DYNC2I1: variants seen among roughly 807,000 people sequenced by gnomAD.
The protein encoded by DYNC2I1 is dynein 2 intermediate chain 1.
Under a neutral mutation model 133.4 loss-of-function variants are expected in DYNC2I1, and 89 were observed. The ratio of observed to expected loss-of-function variants is 0.67; its 90% CI spans 0.56 to 0.80. DYNC2I1 has a LOEUF of 0.80. Ranked by LOEUF, DYNC2I1 falls within the 30% of genes least tolerant of loss-of-function variation. The pLI is 0.00. For missense variants in DYNC2I1, 1,291 were observed against 1,314.5 expected (o/e 0.98, Z 0.28); for synonymous variants, 504 against 484.3 (o/e 1.04, Z -0.54).
intron 3 of DYNC2I1, among the ~76,000 whole-genome samples, chr7:158,874,791 T>A (rs912584500): frequency 1.3e-5 from 2 of 152,180 alleles, no homozygotes; most frequent in Admixed American, 1.3e-4. Context: ...ATCCCTGAAT[T>A]CCAGGCTTGT....
At chr7:158,914,182 T>TG (rs1413509542) in intron 13 of DYNC2I1, 51 bp from the exon 14 acceptor site, 4 of 1,474,454 alleles carry the variant, frequency 2.7e-6, no homozygotes, top group Non-Finnish European at 3.7e-6. Context: ...GTGTAATGCA[T>TG]GATTATTTTA....
intron 1 of DYNC2I1, among the ~76,000 whole-genome samples, chr7:158,861,295 A>G (rs1280607259): frequency 6.6e-6 from 1 of 152,148 alleles, no homozygotes; most frequent in Admixed American, 6.5e-5. Flanking sequence ...GGAAGGTAGA[A>G]TCCTAACTAC....
chr7:158,945,488 C>A lies in DYNC2I1; in HGVS notation c.3003-93C>A. On this transcript the variant is annotated intron_variant, in intron 24 of 24. Transcript: ENST00000407559. The surrounding 1 kb of genome is among the most constrained non-coding windows in gnomAD (Gnocchi z 4.1). ...TTTAGAATTTCTCATCCGTTTCACT[C>A]TTCCCATGGAAGGTAGACATTTTGA... The A allele has an allele frequency of 1.5e-6, 2 of 1,332,620 alleles. No homozygotes were observed. Among genetic ancestry groups the A allele is most frequent in the Non-Finnish European group, 2.0e-6 (2 of 984,852 alleles). The allele number at this position is 1,332,620 out of a possible 1,614,324, so 82.5% of individuals were successfully genotyped here. A position where few individuals can be genotyped will look rare whatever the true frequency, so the allele number is the denominator to read the frequency against.
intron 14 of DYNC2I1, among the ~76,000 whole-genome samples, chr7:158,915,543 G>A (rs112630969): frequency 3.0e-5 from 4 of 134,572 alleles, no homozygotes; most frequent in African/African-American, 8.8e-5. Flanking sequence ...ACCTCGACAC[G>A]GTGGTTGAGA....
chr7:158,840,094 T>A, the DYNC2I1 span, among the ~76,000 whole-genome samples: 3 of 151,860 alleles, frequency 2.0e-5, no homozygotes, highest in Non-Finnish European at 4.4e-5. Context: ...GGGTTACAGG[T>A]GTGAGCCACT....
downstream of DYNC2I1, among the ~76,000 whole-genome samples, chr7:158,958,378 C>T (rs1318632005): frequency 6.6e-6 from 1 of 152,266 alleles, no homozygotes; most frequent in South Asian, 2.1e-4. Flanking sequence ...CGCGTTCTCT[C>T]TTCCTCACCG....
chr7:158,909,055 G>C (rs187111600), intron 11 of DYNC2I1, among the ~76,000 whole-genome samples: 52 of 152,192 alleles, frequency 3.4e-4, no homozygotes, highest in Non-Finnish European at 4.4e-5. Context: ...CTTAGGCCAG[G>C]CATAGTGGCT....
intron 1 of DYNC2I1, among the ~76,000 whole-genome samples, chr7:158,859,158 G>A (rs1282375523): frequency 6.7e-6 from 1 of 150,192 alleles, no homozygotes; most frequent in African/African-American, 2.5e-5. Flanking sequence ...ACCATGCCTG[G>A]CCTGTCGCAT....
chr7:158,871,583 C>G, intron 3 of DYNC2I1, 21 bp downstream of exon 3: 1 of 1,510,010 alleles, frequency 6.6e-7, no homozygotes, highest in Non-Finnish European at 8.8e-7. Flanking sequence ...GCTTGCCTTC[C>G]TGTGGTTCCA....
At chr7:158,856,476 G>A (rs1841233816), upstream of DYNC2I1, 1 of 382,922 alleles carries the variant, frequency 2.6e-6, no homozygotes, top group Non-Finnish European at 4.6e-6. Flanking sequence ...AGGGGCCGCG[G>A]GCACGCCGAG....
intron 11 of DYNC2I1, among the ~76,000 whole-genome samples, chr7:158,908,706 T>C (rs1024173527): frequency 7.2e-5 from 11 of 152,130 alleles, no homozygotes; most frequent in African/African-American, 2.7e-4. Flanking sequence ...AGCTCAGAGA[T>C]TTGCCGCAGC....
At chr7:158,879,401 A>G (rs1843763932) in intron 4 of DYNC2I1, among the ~76,000 whole-genome samples, 1 of 152,150 alleles carries the variant, frequency 6.6e-6, no homozygotes, top group South Asian at 2.1e-4. Flanking sequence ...AAAATGGTGT[A>G]GTGTCTGCAT....
chr7:158,856,574 C>T lies in DYNC2I1; in HGVS notation c.-162C>T, dbSNP rs866258448. ...AGGCGCACTGGGAGAGGCCGCAGGG[C>T]ACGCTGGGCAGTGCTTCTGGGCCCT... On this transcript the variant is annotated 5_prime_UTR_variant, in exon 1 of 25. Transcript: ENST00000407559. 2.2e-5 allele frequency: 15 copies of T among 685,464 alleles called. 1 individual carries two copies. The African/African-American group carries it at 2.2e-4, about 10-fold the overall frequency. The allele number at this position is 685,464 out of a possible 1,614,324, so 42.5% of individuals were successfully genotyped here. A position where few individuals can be genotyped will look rare whatever the true frequency, so the allele number is the denominator to read the frequency against.
chr7:158,902,653 C>A, intron 10 of DYNC2I1, 58 bp downstream of exon 10: 1 of 1,488,610 alleles, frequency 6.7e-7, no homozygotes, highest in South Asian at 1.2e-5. Flanking sequence ...TGTACTGAGC[C>A]CTCACAGATG....
At chr7:158,902,715 C>T (rs1394344676) in intron 10 of DYNC2I1, 120 bp downstream of exon 10, 2 of 889,630 alleles carry the variant, frequency 2.2e-6, no homozygotes, top group African/African-American at 1.7e-5. Context: ...TAACATCTTC[C>T]ACATGCTGGT....
intron 17 of DYNC2I1, among the ~76,000 whole-genome samples, chr7:158,924,771 T>C (rs1849448858): frequency 6.6e-6 from 1 of 152,220 alleles, no homozygotes; most frequent in South Asian, 2.1e-4. Context: ...CTTTTTTTTT[T>C]TGAGATGTGG....
In DYNC2I1 at chr7:158,918,763, G is replaced by A. The variant is rs751206395; in HGVS notation, c.1815G>A (p.Glu605=). 1 of 1,613,812 alleles carries A rather than the reference G, an allele frequency of 6.2e-7. No individual in the cohort carries two copies. The highest frequency in any genetic ancestry group is 8.5e-7 in the Non-Finnish European group (1 of 1,179,854). ...AGGTGATGGCCGTTTTGCTGGAAGA[G>A]GATCGCTTGGCAGCTGAACCCAGCT... ...ACQVMAVLLE[E]DRLAAEPSWN... The change falls in exon 15 of 25, where the codon GAG becomes GAA. Residue 605 remains glutamate (E), a synonymous_variant. Transcript: ENST00000407559.
At chr7:158,890,168 T>C (rs2129482194) in intron 7 of DYNC2I1, among the ~76,000 whole-genome samples, 1 of 152,138 alleles carries the variant, frequency 6.6e-6, no homozygotes, top group East Asian at 1.9e-4. Flanking sequence ...AGTTTTCTTA[T>C]AGTCACATTA....
intron 6 of DYNC2I1, among the ~76,000 whole-genome samples, chr7:158,885,898 GT>G (rs1389121121): frequency 6.6e-6 from 1 of 151,842 alleles, no homozygotes; most frequent in Admixed American, 6.6e-5. Context: ...ATGAATGAAA[GT>G]TTAAAAATTG....
Sources: allele counts gnomAD v4.1 joint callset (sites outside exome capture counted in the v4.1 genomes callset), GRCh38; gene constraint gnomAD v4.1.1; non-coding constraint Gnocchi (gnomAD v3.1); transcripts MANE v1.5; gene names NCBI Gene and HGNC (gene_info 2026-07-23, HGNC 2026-07-21).